ARHGAP8: variants seen among roughly 807,000 people sequenced by gnomAD.
ARHGAP8 encodes Rho GTPase activating protein 8, also known as rho GTPase-activating protein 8.
In ARHGAP8, 62 loss-of-function variants were observed where a neutral mutation model predicts 46.1. The ratio of observed to expected loss-of-function variants is 1.34; its 90% CI spans 1.10 to 1.66. The LOEUF is 1.66. ARHGAP8 is among the 40% of genes most tolerant of loss of function. The pLI is 0.00. For missense variants in ARHGAP8, 923 were observed against 568.4 expected, an observed-to-expected ratio of 1.62 and a Z score of -6.34; for synonymous variants, 375 against 243.1, an observed-to-expected ratio of 1.54 and a Z score of -5.05.
chr22:44,784,182 T>A (rs1207519373), intron 1 of ARHGAP8, among the ~76,000 whole-genome samples: 1 of 152,154 alleles, frequency 6.6e-6, no homozygotes, highest in Non-Finnish European at 1.5e-5. Context: ...GGAAGGCAGA[T>A]CACTTGAGGC....
intron 2 of ARHGAP8, among the ~76,000 whole-genome samples, chr22:44,787,943 CCCCA>C (rs1927390896): frequency 7.9e-6 from 1 of 126,862 alleles, no homozygotes; most frequent in African/African-American, 3.0e-5. Context: ...TTTTTTTTCC[CCCCA>C]AATGTCCTTT....
chr22:44,856,178 A>T (rs948798766), intron 10 of ARHGAP8, among the ~76,000 whole-genome samples: 1 of 150,488 alleles, frequency 6.6e-6, no homozygotes, highest in Non-Finnish European at 1.5e-5. Flanking sequence ...TTACATTTCA[A>T]TGTGAGGTTT....
intron 10 of ARHGAP8, among the ~76,000 whole-genome samples, chr22:44,859,021 T>G (rs1307564686): frequency 2.6e-5 from 4 of 151,852 alleles, no homozygotes; most frequent in Middle Eastern, 3.4e-3. Flanking sequence ...AAAACGTTAT[T>G]GGCAAAAACA....
At chr22:44,853,117 T>C (rs1406209893) in intron 10 of ARHGAP8, among the ~76,000 whole-genome samples, 1 of 87,560 alleles carries the variant, frequency 1.1e-5, no homozygotes, top group Admixed American at 9.6e-5. Flanking sequence ...TCCATTTTTT[T>C]AGTCAGGAGA....
intron 1 of ARHGAP8, among the ~76,000 whole-genome samples, chr22:44,771,947 A>T (rs914300741): frequency 1.3e-5 from 2 of 152,166 alleles, no homozygotes; most frequent in East Asian, 3.8e-4. Flanking sequence ...ACTGTCAAAT[A>T]GAGGTGCTGA....
At chr22:44,854,171 C>G (rs144024515) in intron 10 of ARHGAP8, among the ~76,000 whole-genome samples, 1 of 150,620 alleles carries the variant, frequency 6.6e-6, no homozygotes, top group East Asian at 2.0e-4. Flanking sequence ...GCCTTGCTTA[C>G]TCACTGTAAC....
rs148289946 is a variant in ARHGAP8, at chr22:44,857,676, C to T, written c.878-2055C>T. On this transcript the variant is annotated intron_variant, in intron 10 of 11. Transcript: ENST00000356099. Reference sequence around the variant, plus strand: ...CCCTTCCCTCTGGGTATAGGGAAGGCGCCTCTCATAGGATGATCTCATGGC... The same window carrying T: ...CCCTTCCCTCTGGGTATAGGGAAGGTGCCTCTCATAGGATGATCTCATGGC... Among the ~76,000 whole-genome samples, 110 of 152,168 alleles carry T rather than the reference C, an allele frequency of 7.2e-4. No homozygotes were observed. The East Asian group carries it at 0.017, about 23-fold the overall frequency.
rs751477983 is a variant in ARHGAP8, at chr22:44,859,761, G to A, written c.908G>A (p.Cys303Tyr). Reference protein sequence around the residue: ...CVESSLRVTGCRQILRSLPEH... With the variant: ...CVESSLRVTGYRQILRSLPEH... The stretch of plus-strand genomic sequence containing the variant: ...GAGAGCAGCCTGCGTGTCACTGGCT[G>A]CCGCCAGATCTTACGGAGCCTCCCA... Residue 303 changes from cysteine (C) to tyrosine (Y), a missense_variant, in exon 11 of 12, where the codon TGC (cysteine) becomes TAC (tyrosine). Transcript: ENST00000356099. 5 of 1,613,966 alleles carry A rather than the reference G, an allele frequency of 3.1e-6. No homozygotes were observed. The East Asian group carries it at 6.7e-5, about 22-fold the overall frequency.
intron 11 of ARHGAP8, among the ~76,000 whole-genome samples, chr22:44,861,421 GTGGGCCTGGCTGGTGCACACCTGCAA>G (rs2070477330): frequency 1.3e-5 from 2 of 152,222 alleles, no homozygotes; most frequent in African/African-American, 4.8e-5. Flanking sequence ...GTGGCCTGCA[GTGGGCCTGGCTGGTGCACACCTGCAA>G]CGGGCTTGGG....
intron 2 of ARHGAP8, among the ~76,000 whole-genome samples, chr22:44,791,462 G>A (rs1235027874): frequency 6.6e-6 from 1 of 152,140 alleles, no homozygotes; most frequent in African/African-American, 2.4e-5. Context: ...CCAGCACTTT[G>A]GGGGGATGAG....
intron 1 of ARHGAP8, among the ~76,000 whole-genome samples, chr22:44,757,840 G>A (rs1602135505): frequency 6.8e-6 from 1 of 147,022 alleles, no homozygotes; most frequent in Non-Finnish European, 1.5e-5. Context: ...TTTTAGTAGA[G>A]ATAGGGTTTC....
chr22:44,766,905 G>T (rs1174696353), intron 1 of ARHGAP8, among the ~76,000 whole-genome samples: 1 of 152,218 alleles, frequency 6.6e-6, no homozygotes, highest in East Asian at 1.9e-4. Context: ...AGGCCTTGGG[G>T]TGGGGGTGGG....
chr22:44,831,933 G>A (rs1422736441), intron 7 of ARHGAP8, among the ~76,000 whole-genome samples: 2 of 151,966 alleles, frequency 1.3e-5, no homozygotes, highest in Non-Finnish European at 2.9e-5. Flanking sequence ...TATTGTTTAG[G>A]CTATTCTGCA....
chr22:44,804,873 C>T (rs934308609), intron 3 of ARHGAP8, among the ~76,000 whole-genome samples: 2 of 152,198 alleles, frequency 1.3e-5, no homozygotes, highest in African/African-American at 4.8e-5. Flanking sequence ...AGAGACCTGG[C>T]GGGGAGCAGG....
At chr22:44,765,089 T>A (rs915812714) in intron 1 of ARHGAP8, 4 of 152,342 alleles carry the variant, frequency 2.6e-5, no homozygotes, top group African/African-American at 9.6e-5. Context: ...TCAGAGGTGC[T>A]GGGCTCTGGG....
chr22:44,836,170 C>T (rs543349420), intron 7 of ARHGAP8, among the ~76,000 whole-genome samples: 31 of 152,220 alleles, frequency 2.0e-4, no homozygotes, highest in African/African-American at 6.0e-4. Flanking sequence ...TTTCACCTCA[C>T]GACAGCTCCA....
intron 5 of ARHGAP8, among the ~76,000 whole-genome samples, chr22:44,817,794 C>T (rs932871743): frequency 1.8e-4 from 27 of 151,286 alleles, no homozygotes; most frequent in African/African-American, 5.8e-4. Context: ...GTGACAAGAG[C>T]GAAACTCCAT....
chr22:44,756,201 C>T (rs1924658384), intron 1 of ARHGAP8, among the ~76,000 whole-genome samples: 1 of 152,144 alleles, frequency 6.6e-6, no homozygotes, highest in Admixed American at 6.5e-5. Context: ...ATTCCTGAAA[C>T]TCCTGGGTAG....
At chr22:44,801,480 CG>C (rs1928544524) in intron 2 of ARHGAP8, among the ~76,000 whole-genome samples, 1 of 58,326 alleles carries the variant, frequency 1.7e-5, no homozygotes, top group East Asian at 5.6e-4. Flanking sequence ...CACCTCTCCC[CG>C]CAGCTGTCTA....
Sources: allele counts gnomAD v4.1 joint callset (sites outside exome capture counted in the v4.1 genomes callset), GRCh38; gene constraint gnomAD v4.1.1; transcripts MANE v1.5; gene names NCBI Gene and HGNC (gene_info 2026-07-23, HGNC 2026-07-21).